The following OR7C1 variants were observed in gnomAD, a reference collection of about 807,000 sequenced individuals.
OR7C1 encodes the protein olfactory receptor family 7 subfamily C member 1.
For missense variants in OR7C1, 324 were observed against 383.3 expected (o/e 0.85, Z 1.29); for synonymous variants, 152 against 160.7 (o/e 0.95, Z 0.41).
At chr19:14,826,758 T>C (rs2044771771) in intron 1 of OR7C1, 1 of 152,402 alleles carries the variant, frequency 6.6e-6, no homozygotes, top group African/African-American at 2.4e-5. Context: ...TGGCAGATAC[T>C]GTGGACATGG....
chr19:14,833,821 C>A (rs754687213), intron 1 of OR7C1, among the ~76,000 whole-genome samples: 12 of 132,486 alleles, frequency 9.1e-5, no homozygotes, highest in Admixed American at 1.5e-4. Context: ...TCAGCCTGAG[C>A]GGGGATGGAG....
exon 5 of OR7C1, chr19:14,799,173 C>T: frequency 1.2e-6 from 2 of 1,601,330 alleles, no homozygotes; most frequent in Non-Finnish European, 1.7e-6. Flanking sequence ...AGCCTTGCTA[C>T]TTATGAAAGT....
At chr19:14,816,143 G>A (rs2044715371) in intron 1 of OR7C1, among the ~76,000 whole-genome samples, 1 of 152,066 alleles carries the variant, frequency 6.6e-6, no homozygotes. Flanking sequence ...GACTTTAGAG[G>A]AAACTTTCAG....
intron 1 of OR7C1, chr19:14,827,768 T>C (rs764462655): frequency 1.9e-6 from 3 of 1,614,142 alleles, no homozygotes; most frequent in South Asian, 1.1e-5. Context: ...TTAAGATTTG[T>C]AGCAAGGAAT....
At chr19:14,825,839 G>A (rs1317815769) in intron 1 of OR7C1, 1 of 152,450 alleles carries the variant, frequency 6.6e-6, no homozygotes, top group African/African-American at 2.4e-5. Context: ...GACAAGAAAA[G>A]CATCATCTTA....
intron 2 of OR7C1, among the ~76,000 whole-genome samples, chr19:14,804,948 T>TGTA (rs149321784): frequency 0.024 from 3,635 of 151,852 alleles, 191 homozygotes; most frequent in African/African-American, 0.083. Flanking sequence ...CATGACTCAC[T>TGTA]GTAGCCTTGA....
intron 2 of OR7C1, among the ~76,000 whole-genome samples, chr19:14,805,406 A>ATTTTTTT (rs33957500): frequency 1.0e-5 from 1 of 98,058 alleles, no homozygotes; most frequent in Non-Finnish European, 2.0e-5. Flanking sequence ...CAGGAAAATA[A>ATTTTTTT]TTTTTTTTTT....
In OR7C1 at chr19:14,831,733, G is replaced by A. The variant is rs1296574603; in HGVS notation, c.-623+3341C>T. Among the ~76,000 whole-genome samples, 4 of 149,432 alleles carry A rather than the reference G, an allele frequency of 2.7e-5. No homozygotes were observed. The South Asian group carries it at 8.5e-4, about 32-fold the overall frequency. On this transcript the variant is annotated intron_variant, in intron 1 of 4. Transcript: ENST00000641666. ...GCTGGGATTACAGGCGTGAGCCACC[G>A]CGCCTGGCCTATTTTATTTTTTTTT...
At chr19:14,812,905 T>C (rs749971878) in intron 1 of OR7C1, among the ~76,000 whole-genome samples, 49 of 150,770 alleles carry the variant, frequency 3.2e-4, no homozygotes, top group Non-Finnish European at 6.8e-4. Flanking sequence ...CTCTACTAAA[T>C]ATACAAAAAA....
chr19:14,815,008 A>G (rs2044709782), intron 1 of OR7C1, among the ~76,000 whole-genome samples: 1 of 152,164 alleles, frequency 6.6e-6, no homozygotes, highest in African/African-American at 2.4e-5. Context: ...TTAAAGAATA[A>G]TTTATGTTCT....
intron 2 of OR7C1, among the ~76,000 whole-genome samples, chr19:14,809,443 A>G (rs751842358): frequency 1.3e-5 from 2 of 152,042 alleles, no homozygotes; most frequent in Non-Finnish European, 2.9e-5. Flanking sequence ...AAGAAGAAAC[A>G]GTAATGGAGA....
At chr19:14,806,555 C>T (rs907655196) in intron 2 of OR7C1, among the ~76,000 whole-genome samples, 1 of 152,018 alleles carries the variant, frequency 6.6e-6, no homozygotes, top group African/African-American at 2.4e-5. Flanking sequence ...CACTGACAGG[C>T]GTCAGTATGT....
intron 1 of OR7C1, among the ~76,000 whole-genome samples, chr19:14,823,158 A>T (rs1362322084): frequency 6.6e-6 from 1 of 152,110 alleles, no homozygotes; most frequent in Non-Finnish European, 1.5e-5. Flanking sequence ...GTTTTTAAAA[A>T]TTTGCGTAAA....
chr19:14,799,078 A>G, exon 5 of OR7C1: 1 of 1,438,990 alleles, frequency 6.9e-7, no homozygotes, highest in South Asian at 1.5e-5. Flanking sequence ...AGACACGATA[A>G]GATATGGTAA....
At chr19:14,829,100 G>GA (rs1263555484) in intron 1 of OR7C1, among the ~76,000 whole-genome samples, 1 of 152,164 alleles carries the variant, frequency 6.6e-6, no homozygotes, top group African/African-American at 2.4e-5. Flanking sequence ...GGTGATGTTT[G>GA]AAAAAAGATC....
At chr19:14,829,667 TTGCACC>T (rs1373873250) in intron 1 of OR7C1, among the ~76,000 whole-genome samples, 3 of 152,220 alleles carry the variant, frequency 2.0e-5, no homozygotes, top group Non-Finnish European at 4.4e-5. Context: ...CTAGATGCTG[TTGCACC>T]TGCACTTTAT....
At chr19:14,814,070 T>C (rs2044705126) in intron 1 of OR7C1, among the ~76,000 whole-genome samples, 1 of 152,112 alleles carries the variant, frequency 6.6e-6, no homozygotes, top group Non-Finnish European at 1.5e-5. Flanking sequence ...ACTATAGAGC[T>C]ACTAGATGAA....
chr19:14,800,268 G>T, exon 4 of OR7C1: 1 of 1,031,912 alleles, frequency 9.7e-7, no homozygotes, highest in Non-Finnish European at 1.4e-6. Flanking sequence ...TTTTCTTGCT[G>T]TCTTTTTCTG....
In OR7C1 at chr19:14,813,929, G is replaced by C. The variant is rs553831472; in HGVS notation, c.-622-3936C>G. Among the ~76,000 whole-genome samples, 4 of 152,232 alleles carry C rather than the reference G, an allele frequency of 2.6e-5. No individual in the cohort carries two copies. In the South Asian group the frequency reaches 8.3e-4, roughly 32 times the overall value. ...ACCATGACCAACAGGACTTAGGTTAGGTCAGTCTCTTTAATAAATGCCATT... is the reference window on the plus strand; with the variant it reads ...ACCATGACCAACAGGACTTAGGTTACGTCAGTCTCTTTAATAAATGCCATT... On this transcript the variant is annotated intron_variant, in intron 1 of 4. Coordinates refer to ENST00000641666, the Ensembl canonical transcript of OR7C1.
Sources: allele counts gnomAD v4.1 joint callset (sites outside exome capture counted in the v4.1 genomes callset), GRCh38; gene constraint gnomAD v4.1.1; transcripts MANE v1.5; gene names NCBI Gene and HGNC (gene_info 2026-07-23, HGNC 2026-07-21).